The following USP6 variants were observed in gnomAD, a reference collection of about 807,000 sequenced individuals.
USP6 encodes the protein ubiquitin carboxyl-terminal hydrolase 6.
In USP6, 128 loss-of-function variants were observed where a neutral mutation model predicts 175.7. The ratio of observed to expected loss-of-function variants is 0.73; its 90% CI spans 0.63 to 0.84. USP6 has a LOEUF of 0.84. Among genes scored for constraint, USP6 ranks in the 40% least tolerant of loss-of-function variants. The pLI, the probability that USP6 is intolerant of heterozygous loss-of-function variation, is 0.00. For synonymous variants in USP6, 562 were observed against 630.6 expected (o/e 0.89, Z 1.63); for missense variants, 1,498 against 1,760.3 (o/e 0.85, Z 2.67).
At position 5,145,883 on chromosome 17, in the gene USP6, T is replaced by C. The variant is rs948047996; in HGVS notation, c.2168-140T>C. 2.2e-5 allele frequency: 28 copies of C among 1,257,946 alleles called. No homozygotes were observed. In the African/African-American group the frequency reaches 4.1e-4, roughly 19 times the overall value. 77.9% of individuals were successfully genotyped at this position (1,257,946 alleles called of 1,614,324 possible). ...ATATTATCCCTAAGTACCATCTGTT[T>C]TAGTGTTTACCCATAAAATAAAAAT... On this transcript the variant is annotated intron_variant, in intron 27 of 37. Coordinates refer to ENST00000574788, the MANE Select transcript of USP6 (RefSeq NM_001304284.2).
intron 31 of USP6, among the ~76,000 whole-genome samples, chr17:5,161,216 A>G (rs2144117645): frequency 6.6e-6 from 1 of 152,360 alleles, no homozygotes; most frequent in African/African-American, 2.4e-5. Context: ...CCTCTGATAG[A>G]ATGAAGGATA....
chr17:5,134,588 C>CG (rs1385126420), intron 15 of USP6: 2 of 174,466 alleles, frequency 1.1e-5, no homozygotes, highest in Non-Finnish European at 2.5e-5. Flanking sequence ...ATGGAGCCTT[C>CG]GGGGATGGCC....
At chr17:5,143,040 TCAGCCCCCCGCC>T (rs766987771) in intron 25 of USP6, among the ~76,000 whole-genome samples, 210 of 152,250 alleles carry the variant, frequency 1.4e-3, no homozygotes, top group Admixed American at 5.2e-3. Flanking sequence ...AAAAAAATTA[TCAGCCCCCCGCC>T]CAGCCAGCCG....
chr17:5,134,672 CCA>C (rs2073193070), intron 15 of USP6: 1 of 178,936 alleles, frequency 5.6e-6, no homozygotes, highest in Non-Finnish European at 1.2e-5. Context: ...AGGGAACGAG[CCA>C]GTGATGCCTG....
intron 30 of USP6, 125 bp from the exon 31 acceptor site, chr17:5,155,297 G>A: frequency 8.6e-7 from 1 of 1,161,500 alleles, no homozygotes; most frequent in Non-Finnish European, 1.2e-6. Context: ...TATAAACATA[G>A]AGAAGAATGT....
At chr17:5,148,347 CTTTCCT>C (rs1192981415) in intron 29 of USP6, among the ~76,000 whole-genome samples, 4 of 152,190 alleles carry the variant, frequency 2.6e-5, no homozygotes, top group Admixed American at 6.5e-5. Context: ...AGCAGTTACT[CTTTCCT>C]TTTCATTTGG....
chr17:5,130,326 T>C, intron 9 of USP6, 41 bp from the exon 10 acceptor site: 3 of 1,607,848 alleles, frequency 1.9e-6, no homozygotes, highest in South Asian at 1.1e-5. Context: ...TCTCCGAAGC[T>C]GTCGGGTACA....
chr17:5,173,260 C>G lies in USP6; in HGVS notation c.*282C>G. ...GGGACCAAATAAGAATTGAATTGTG[C>G]TTGTCCAGATATGAACAAATATGTA... On this transcript the variant is annotated 3_prime_UTR_variant, in exon 38 of 38. Coordinates refer to ENST00000574788, the MANE Select transcript of USP6 (RefSeq NM_001304284.2). 3 of 392,328 alleles carry G rather than the reference C, an allele frequency of 7.6e-6. No homozygotes were observed. Among genetic ancestry groups the G allele is most frequent in the Non-Finnish European group, 9.3e-6 (2 of 215,526 alleles). The allele number at this position is 392,328 out of a possible 1,614,324, so 24.3% of individuals were successfully genotyped here. A position where few individuals can be genotyped will look rare whatever the true frequency, so the allele number is the denominator to read the frequency against.
intron 15 of USP6, chr17:5,134,993 GAAAA>G (rs906293415): frequency 1.2e-5 from 5 of 418,642 alleles, no homozygotes; most frequent in East Asian, 4.8e-5. Context: ...GTGTGCAAAA[GAAAA>G]AAAAAATCAT....
chr17:5,148,737 A>G lies in USP6; in HGVS notation c.2613A>G (p.Thr871=), dbSNP rs1319891429. The G allele has an allele frequency of 1.2e-6, 2 of 1,613,628 alleles. No homozygotes were observed. Among genetic ancestry groups the G allele is most frequent in the Non-Finnish European group, 1.7e-6 (2 of 1,179,586 alleles). Residue 871 remains threonine, a synonymous_variant, in exon 30 of 38, where the codon ACA becomes ACG. Transcript: ENST00000574788. Reference sequence around the variant, plus strand: ...CATCTCTTCCTGACAGCCCCTTTACAGGTTACATCATTGCAGTCCACCGAA... The same window carrying G: ...CATCTCTTCCTGACAGCCCCTTTACGGGTTACATCATTGCAGTCCACCGAA... ...HMPSLPDSPF[T]GYIIAVHRKM... is the part of the protein sequence containing the mutation.
At chr17:5,157,732 G>T (rs1210018087) in intron 31 of USP6, among the ~76,000 whole-genome samples, 1 of 152,122 alleles carries the variant, frequency 6.6e-6, no homozygotes, top group Non-Finnish European at 1.5e-5. Context: ...CCAGGTTCAA[G>T]CAATTCTTCT....
intron 33 of USP6, among the ~76,000 whole-genome samples, chr17:5,164,034 A>G (rs1402390591): frequency 6.6e-6 from 1 of 152,254 alleles, no homozygotes; most frequent in Non-Finnish European, 1.5e-5. Context: ...AAAGGTAAAG[A>G]CATTAAGAAT....
At chr17:5,122,573 GC>G (rs1419011221) in intron 4 of USP6, among the ~76,000 whole-genome samples, 2 of 152,344 alleles carry the variant, frequency 1.3e-5, no homozygotes, top group Non-Finnish European at 1.5e-5. Flanking sequence ...CCAGCCCTGG[GC>G]CCCCTCCCCA....
chr17:5,126,298 C>T (rs3930861), intron 6 of USP6, among the ~76,000 whole-genome samples: 112,879 of 152,046 alleles, frequency 0.74, 42,748 homozygotes, highest in Non-Finnish European at 0.81. Flanking sequence ...TGCAGATCCT[C>T]CCCAAAAGAG....
rs1287905591 is a variant in USP6, at chr17:5,141,510, A to G, written c.1573+11A>G. ...TAGATAGACAAAAGGGTAAGTCTCC[A>G]GTATTATTTTTTAAAGAGATTATTT... On this transcript the variant is annotated intron_variant, in intron 23 of 37. Transcript: ENST00000574788. 2 of 1,572,558 alleles carry G rather than the reference A, an allele frequency of 1.3e-6. No individual in the cohort carries two copies. Among genetic ancestry groups the G allele is most frequent in the Non-Finnish European group, 1.7e-6 (2 of 1,158,344 alleles).
chr17:5,170,877 A>G lies in USP6; in HGVS notation c.3916A>G (p.Thr1306Ala), dbSNP rs369899856. Residue 1306 changes from threonine (T) to alanine (A), a missense_variant, in exon 36 of 38, where the codon ACT becomes GCT. Thr to Ala is a moderately conservative substitution (Grantham distance 58). Transcript: ENST00000574788. ...EDSTDDQREDTHIKPIYNLYA... is the reference protein window; with the variant it reads ...EDSTDDQREDAHIKPIYNLYA... Reference sequence around the variant, plus strand: ...CAGCACTGATGACCAAAGAGAAGACACTCATATTAAGCCTATTTATAATCT... The same window carrying G: ...CAGCACTGATGACCAAAGAGAAGACGCTCATATTAAGCCTATTTATAATCT... The G allele has an allele frequency of 5.0e-6, 8 of 1,612,288 alleles. No homozygotes were observed. Among genetic ancestry groups the G allele is most frequent in the Middle Eastern group, 2.1e-4 (1 of 4,782 alleles).
At chr17:5,147,258 T>C (rs1240130668) in intron 29 of USP6, 64 bp downstream of exon 29, 5 of 1,476,614 alleles carry the variant, frequency 3.4e-6, no homozygotes, top group Non-Finnish European at 3.7e-6. Context: ...AGAGTTGTCA[T>C]CTTTTTTATA....
chr17:5,170,664 C>T lies in USP6; in HGVS notation c.3703C>T (p.Gln1235Ter). The T allele has an allele frequency of 6.2e-7, 1 of 1,613,912 alleles. No homozygotes were observed. Among genetic ancestry groups the T allele is most frequent in the Non-Finnish European group, 8.5e-7 (1 of 1,179,874 alleles). Residue 1235 changes from glutamine to a stop codon, truncating the protein, a stop_gained, in exon 36 of 38, where the codon CAG becomes TAG. Transcript: ENST00000574788. LOFTEE classifies it high-confidence loss of function. ...LDASKENGAG[Q>*]ICELADALSR... The stretch of plus-strand genomic sequence containing the variant: ...TGCCAGCAAAGAGAATGGGGCTGGG[C>T]AGATCTGTGAGCTGGCTGACGCCTT...
rs1431345934 is a variant in USP6 at position 5,139,418 on chromosome 17, C to T, written c.1242C>T (p.Pro414=). The part of the protein sequence containing the change: ...SPPWASRFST[P]CPGGAVREDT... ...CATGGGCATCTCGTTTTTCCACGCC[C>T]TGTCCTGGTGGGGCTGTCCGGGAAG... The change falls in exon 22 of 38, where the codon CCC becomes CCT. Residue 414 remains proline (P), a synonymous_variant. Coordinates refer to ENST00000574788, the MANE Select transcript of USP6 (RefSeq NM_001304284.2). The T allele has an allele frequency of 2.5e-6, 4 of 1,613,316 alleles. No homozygotes were observed. The highest frequency in any genetic ancestry group is 1.7e-5 in the Admixed American group (1 of 60,032).
Sources: gnomAD v4.1 joint callset for allele counts (sites outside exome capture counted in the v4.1 genomes callset) on GRCh38, gnomAD v4.1.1 for gene constraint, MANE v1.5 for transcripts, NCBI Gene and HGNC (gene_info 2026-07-23, HGNC 2026-07-21) for gene names.